Variants in POU2F2 observed in about 807,000 individuals in gnomAD.
POU2F2 encodes POU domain, class 2, transcription factor 2.
A neutral mutation model predicts 63.5 loss-of-function variants in POU2F2; 14 were observed. The ratio of observed to expected loss-of-function variants is 0.22; its 90% confidence interval spans 0.15 to 0.34. The LOEUF is 0.34. Among genes scored for constraint, POU2F2 ranks in the 10% least tolerant of loss-of-function variants. POU2F2 has a pLI of 1.00. For missense variants in POU2F2, 607 were observed against 815.2 expected, an observed-to-expected ratio of 0.74 and a Z score of 3.11; for synonymous variants, 306 against 348.6, an observed-to-expected ratio of 0.88 and a Z score of 1.36.
chr19:42,153,463 TG>T lies in POU2F2; in HGVS notation c.-9+6868del, dbSNP rs771849937. On this transcript the variant is annotated intron_variant, in intron 2 of 6. Coordinates refer to the POU2F2 transcript ENST00000524801. This position sits in a 1 kb window ranked among gnomAD's most constrained non-coding sequence, Gnocchi z 5.6. ...CCATGTGCTCTGGGAAGCCTGTGTG[TG>T]TTGGCGTGCGCATGCCCCTGACAGA... 1.3e-5 allele frequency among the ~76,000 whole-genome samples: 2 copies of T among 152,214 alleles called. No individual in the cohort carries two copies. Among genetic ancestry groups the T allele is most frequent in the East Asian group, 3.9e-4 (2 of 5,178 alleles).
At chr19:42,165,749 T>C (rs1382613155) in intron 1 of POU2F2, among the ~76,000 whole-genome samples, 1 of 152,146 alleles carries the variant, frequency 6.6e-6, no homozygotes, top group East Asian at 1.9e-4. Flanking sequence ...ACCGTGCTTA[T>C]AGGGAACTTA....
Position 42,091,109 on chromosome 19 carries a change from TTTGGTTGGTTG to T in POU2F2, c.*137_*147del. Reference sequence around the variant, plus strand: ...AGTTTCTTTCCTTTTTTTTTTTTTTTTTGGTTGGTTGTTTTTTTGGTCTTTCCTCCCTTGTC... The same window carrying T: ...AGTTTCTTTCCTTTTTTTTTTTTTTTTTTTTTTGGTCTTTCCTCCCTTGTC... On this transcript the variant is annotated 3_prime_UTR_variant, in exon 15 of 15. Transcript: ENST00000692977. 1.7e-6 allele frequency: 1 copy of T among 589,152 alleles called. No homozygotes were observed. The highest frequency in any genetic ancestry group is 2.6e-6 in the Non-Finnish European group (1 of 385,784). The allele number at this position is 589,152 out of a possible 1,614,324, so 36.5% of individuals were successfully genotyped here. A position where few individuals can be genotyped will look rare whatever the true frequency, so the allele number is the denominator to read the frequency against.
In POU2F2 at chr19:42,122,537, C is replaced by T. The variant is rs2032762511; in HGVS notation, c.68G>A (p.Gly23Asp). The stretch of plus-strand genomic sequence containing the variant: ...TGTGTGCTCTGATGGGGAGTCCAGA[C>T]CTTGCTTCTCGGCCTCCAGGGGCTT... ...MSKPLEAEKQ[G>D]LDSPSEHTDT... Residue 23 changes from glycine to aspartate, a missense_variant, in exon 2 of 15, where the codon GGT becomes GAT. Gly to Asp is a moderately conservative substitution (Grantham distance 94). Transcript: ENST00000692977. 9 of 1,606,436 alleles carry T rather than the reference C, an allele frequency of 5.6e-6. No individual in the cohort carries two copies. The highest frequency in any genetic ancestry group is 5.5e-5 in the South Asian group (5 of 90,316).
At chr19:42,141,473 CTTTT>C (rs58221767) in intron 2 of POU2F2, among the ~76,000 whole-genome samples, 7 of 98,970 alleles carry the variant, frequency 7.1e-5, no homozygotes, top group Non-Finnish European at 1.1e-4. Context: ...CTTAATTAAT[CTTTT>C]TTTTTTTTTT....
intron 1 of POU2F2, among the ~76,000 whole-genome samples, chr19:42,125,087 C>T (rs540003327): frequency 3.3e-5 from 5 of 152,242 alleles, no homozygotes; most frequent in South Asian, 2.1e-4. Context: ...AAAAGCAAAA[C>T]GCCAGCACAC....
chr19:42,156,948 CCCTGGGGCACATG>C lies in POU2F2; in HGVS notation c.-9+3371_-9+3383del, dbSNP rs751883503. On this transcript the variant is annotated intron_variant, in intron 2 of 6. Transcript: ENST00000524801. The surrounding 1 kb of genome is among the most constrained non-coding windows in gnomAD (Gnocchi z 4.1). ...GGACTCCCCTCAGGGTGTGTGAGCA[CCCTGGGGCACATG>C]CCTGTTGCTTATGTCTGGGTTACCT... 2 of 152,224 alleles carry C rather than the reference CCCTGGGGCACATG, an allele frequency of 1.3e-5. No individual in the cohort carries two copies. The highest frequency in any genetic ancestry group is 2.9e-5 in the Non-Finnish European group (2 of 68,060). 9.4% of individuals were successfully genotyped at this position (152,224 alleles called of 1,614,324 possible). A position where few individuals can be genotyped will look rare whatever the true frequency, so the allele number is the denominator to read the frequency against.
chr19:42,173,756 C>T (rs2034817263), intron 1 of POU2F2, among the ~76,000 whole-genome samples: 1 of 152,078 alleles, frequency 6.6e-6, no homozygotes, highest in Non-Finnish European at 1.5e-5. Context: ...AACCAAGACC[C>T]CCAAAGATGA....
At chr19:42,116,882 C>CGGA in intron 5 of POU2F2, 1 of 460,060 alleles carries the variant, frequency 2.2e-6, no homozygotes, top group South Asian at 1.6e-5. Context: ...GCGGAGGCGG[C>CGGA]GGCGGCGGCG....
intron 5 of POU2F2, among the ~76,000 whole-genome samples, chr19:42,111,343 G>A (rs1254057829): frequency 2.0e-5 from 3 of 151,660 alleles, no homozygotes; most frequent in South Asian, 4.2e-4. Flanking sequence ...TCTCGAACTC[G>A]CCTCAAGCCG....
chr19:42,112,764 A>G (rs1004312290), intron 5 of POU2F2, among the ~76,000 whole-genome samples: 3 of 152,056 alleles, frequency 2.0e-5, no homozygotes, highest in African/African-American at 7.2e-5. Context: ...AGGGAGACAG[A>G]CCCCTGGAGC....
In POU2F2 at chr19:42,169,728, G is replaced by A. The variant is rs563676525; in HGVS notation, c.-70+6235C>T. 2.0e-5 allele frequency among the ~76,000 whole-genome samples: 3 copies of A among 152,202 alleles called. No individual in the cohort carries two copies. Among genetic ancestry groups the A allele is most frequent in the East Asian group, 1.9e-4 (1 of 5,174 alleles). ...ACTTACGTGGCCTCTCTAGTTTGGC[G>A]AATGAGTGCGCGCACACGTGTGTGT... On this transcript the variant is annotated intron_variant, in intron 1 of 6. Transcript: ENST00000524801. The surrounding 1 kb of genome is among the most constrained non-coding windows in gnomAD (Gnocchi z 4.3).
chr19:42,102,525 G>A (rs941239313), intron 5 of POU2F2, among the ~76,000 whole-genome samples: 2 of 152,044 alleles, frequency 1.3e-5, no homozygotes, highest in African/African-American at 4.8e-5. Context: ...GGGTGGTTGA[G>A]GCAGGAGGAC....
intron 1 of POU2F2, among the ~76,000 whole-genome samples, chr19:42,125,361 CAAAA>C (rs397956774): frequency 1.1e-4 from 1 of 9,330 alleles, no homozygotes; most frequent in Non-Finnish European, 2.3e-4. Flanking sequence ...GACTCTGTCT[CAAAA>C]AAAAAAAAAA....
At chr19:42,115,313 G>A (rs939139388) in intron 5 of POU2F2, among the ~76,000 whole-genome samples, 22 of 152,128 alleles carry the variant, frequency 1.4e-4, no homozygotes, top group South Asian at 4.1e-4. Flanking sequence ...ATAATGGAAC[G>A]GGCCATTATT....
intron 2 of POU2F2, among the ~76,000 whole-genome samples, chr19:42,148,012 C>T (rs551753871): frequency 1.8e-4 from 27 of 152,092 alleles, no homozygotes; most frequent in Admixed American, 7.9e-4. Flanking sequence ...GATTTGTACC[C>T]CTCACACTGA....
At chr19:42,101,448 G>A (rs1240105250) in intron 5 of POU2F2, among the ~76,000 whole-genome samples, 1 of 152,136 alleles carries the variant, frequency 6.6e-6, no homozygotes, top group Non-Finnish European at 1.5e-5. Context: ...ATGGATAACG[G>A]GAAGATGATG....
Position 42,099,550 on chromosome 19 carries a change from G to T in POU2F2, c.544C>A (p.Pro182Thr), listed in dbSNP as rs2077049316. Residue 182 changes from proline to threonine, a missense_variant, in exon 7 of 15, where the codon CCC becomes ACC. By Grantham distance (38) the Pro-to-Thr change is conservative. Transcript: ENST00000692977. ...ACCTGTGTGGGAAGCCCGGCCCGGG[G>T]CTGGGAGGTCAGAAGAGCTCCCTGG... ...QTQGALLTSQ[P>T]RAGLPTQAVT... The T allele has an allele frequency of 3.1e-6, 5 of 1,613,836 alleles. No homozygotes were observed. Among genetic ancestry groups the T allele is most frequent in the Middle Eastern group, 3.3e-4 (2 of 6,062 alleles).
At chr19:42,098,849 TGAAA>T (rs1157605246) in intron 7 of POU2F2, among the ~76,000 whole-genome samples, 1 of 152,178 alleles carries the variant, frequency 6.6e-6, no homozygotes, top group Non-Finnish European at 1.5e-5. Context: ...GGCAGCAAAC[TGAAA>T]GAAAGGCCTC....
At chr19:42,133,553 C>T (rs1233309891), upstream of POU2F2, 1 of 154,552 alleles carries the variant, frequency 6.5e-6, no homozygotes, top group South Asian at 2.0e-4. The surrounding 1 kb of genome is among the most constrained non-coding windows in gnomAD (Gnocchi z 5.1). Flanking sequence ...GCCCCCTAAA[C>T]CACAGGTGCA....
Sources: gnomAD v4.1 joint callset for allele counts (sites outside exome capture counted in the v4.1 genomes callset) on GRCh38, gnomAD v4.1.1 for gene constraint, Gnocchi (gnomAD v3.1) non-coding constraint, MANE v1.5 for transcripts, NCBI Gene and HGNC (gene_info 2026-07-23, HGNC 2026-07-21) for gene names.